Variants in PPP1R15A observed in about 807,000 individuals in gnomAD.
PPP1R15A encodes the protein protein phosphatase 1 regulatory subunit 15A.
A neutral mutation model predicts 48.5 loss-of-function variants in PPP1R15A; 43 were observed. The ratio of observed to expected loss-of-function variants is 0.89; its 90% CI spans 0.69 to 1.14. PPP1R15A has a LOEUF of 1.14. Among genes scored for constraint, PPP1R15A ranks in the 50% most tolerant of loss-of-function variants. The probability of loss-of-function intolerance (pLI) is 0.00; values close to 1 mark genes in which losing one functional copy is unlikely to be tolerated. For missense variants in PPP1R15A, 868 were observed against 847.2 expected (o/e 1.02, Z -0.30); for synonymous variants, 327 against 327.4 (o/e 1.00, Z 0.01).
Position 48,874,921 on chromosome 19 carries a change from CTATT to C in PPP1R15A, c.1665+25_1665+28del, listed in dbSNP as rs760956714. 203 of 1,422,124 alleles carry C rather than the reference CTATT, an allele frequency of 1.4e-4. No homozygotes were observed. The Middle Eastern group carries it at 2.4e-3, about 17-fold the overall frequency. 88.1% of individuals were successfully genotyped at this position (1,422,124 alleles called of 1,614,324 possible). ...AAGGTAGGTGCTGAGAGCCCAGATT[CTATT>C]TTTTTTTTTTTTTTAATTGAGTTGG... On this transcript the variant is annotated intron_variant, in intron 2 of 2. Coordinates refer to ENST00000200453, the MANE Select transcript of PPP1R15A (RefSeq NM_014330.5).
In PPP1R15A at chr19:48,875,789, G is replaced by A; in HGVS notation, c.1841G>A (p.Arg614Lys). 6.2e-7 allele frequency: 1 copy of A among 1,613,908 alleles called. No homozygotes were observed. The highest frequency in any genetic ancestry group is 8.5e-7 in the Non-Finnish European group (1 of 1,179,846). The change falls in exon 3 of 3, where the codon AGA becomes AAA. Residue 614 changes from arginine to lysine, a missense_variant. Coordinates refer to ENST00000200453, the MANE Select transcript of PPP1R15A (RefSeq NM_014330.5). ...SPCLTPAARA[R>K]AWARLRNPPL... is the part of the protein sequence containing the mutation. ...TGCCTCACCCCTGCTGCCCGGGCCAGAGCCTGGGCACGCCTCAGGAACCCA... is the reference window on the plus strand; with the variant it reads ...TGCCTCACCCCTGCTGCCCGGGCCAAAGCCTGGGCACGCCTCAGGAACCCA...
chr19:48,874,888 A>C lies in PPP1R15A; in HGVS notation c.1655A>C (p.Lys552Thr), dbSNP rs752606866. The part of the protein sequence containing the change: ...THDPDPETPL[K>T]ARKVRFSEKV... ...GATCCGGACCCTGAGACTCCCCTAA[A>C]GGCCAGAAAGGTAGGTGCTGAGAGC... Residue 552 changes from lysine to threonine, a missense_variant, in exon 2 of 3, where the codon AAG becomes ACG. Coordinates refer to ENST00000200453, the MANE Select transcript of PPP1R15A (RefSeq NM_014330.5). 1.3e-6 allele frequency: 2 copies of C among 1,555,402 alleles called. No homozygotes were observed. Among genetic ancestry groups the C allele is most frequent in the East Asian group, 4.5e-5 (2 of 44,362 alleles).
In PPP1R15A at chr19:48,873,698, TAAG is replaced by T. The variant is rs778608947; in HGVS notation, c.468_470del (p.Lys156del). The T allele has an allele frequency of 8.7e-6, 14 of 1,613,950 alleles. No homozygotes were observed. Among genetic ancestry groups the T allele is most frequent in the East Asian group, 2.2e-5 (1 of 44,886 alleles). ...TGATAAGGACACTGCAAGGTTCTGA[TAAG>T]AACCCAGGGGAGGAGAAAGCCGAGG... On this transcript the variant is annotated inframe_deletion, in exon 2 of 3. Transcript: ENST00000200453.
At position 48,874,234 on chromosome 19, in the gene PPP1R15A, C is replaced by A; in HGVS notation, c.1001C>A (p.Pro334Gln). 2 of 1,614,184 alleles carry A rather than the reference C, an allele frequency of 1.2e-6. No individual in the cohort carries two copies. The highest frequency in any genetic ancestry group is 2.2e-5 in the South Asian group (2 of 91,076). Reference protein sequence around the residue: ...GEAECPPCIPPPSAFLKAWVY... With the variant: ...GEAECPPCIPQPSAFLKAWVY... ...GCTGAGTGTCCTCCCTGCATCCCCC[C>A]ACCAAGTGCCTTCCTGAAGGCCTGG... The change falls in exon 2 of 3, where the codon CCA becomes CAA. Residue 334 changes from proline (P) to glutamine (Q), a missense_variant. Transcript: ENST00000200453.
Position 48,873,505 on chromosome 19 carries a change from A to G in PPP1R15A, c.272A>G (p.Glu91Gly). 1 of 1,614,168 alleles carries G rather than the reference A, an allele frequency of 6.2e-7. No individual in the cohort carries two copies. The highest frequency in any genetic ancestry group is 2.2e-5 in the East Asian group (1 of 44,886). ...EEAEDSGGPG[E>G]DRETLGLKTS... ...GCTGAAGACAGTGGAGGCCCTGGAG[A>G]GGACAGAGAAACACTGGGGCTGAAA... Residue 91 changes from glutamate (E) to glycine (G), a missense_variant, in exon 2 of 3, where the codon GAG becomes GGG. By Grantham distance (98) the Glu-to-Gly change is moderately conservative. Transcript: ENST00000200453.
chr19:48,875,732 G>A lies in PPP1R15A; in HGVS notation c.1784G>A (p.Arg595His), dbSNP rs201012471. The A allele has an allele frequency of 9.3e-6, 15 of 1,613,030 alleles. No homozygotes were observed. The Admixed American group carries it at 1.0e-4, about 11-fold the overall frequency. Reference protein sequence around the residue: ...LARDRSRFARRITQAQEELSP... With the variant: ...LARDRSRFARHITQAQEELSP... Reference sequence around the variant, plus strand: ...CGGGATCGCAGCCGCTTCGCACGCCGCATCACCCAGGCCCAGGAGGAGCTG... The same window carrying A: ...CGGGATCGCAGCCGCTTCGCACGCCACATCACCCAGGCCCAGGAGGAGCTG... Residue 595 changes from arginine to histidine, a missense_variant, in exon 3 of 3, where the codon CGC becomes CAC. By Grantham distance (29) the Arg-to-His change is conservative. Transcript: ENST00000200453.
Position 48,874,685 on chromosome 19 carries a change from T to G in PPP1R15A, c.1452T>G (p.Tyr484Ter), listed in dbSNP as rs1372189138. ...DQRAHFRGWG[Y>*]RPGKETEEEE... Reference sequence around the variant, plus strand: ...GGGCCCACTTCAGGGGCTGGGGATATCGACCTGGAAAAGAGACAGAGGAAG... The same window carrying G: ...GGGCCCACTTCAGGGGCTGGGGATAGCGACCTGGAAAAGAGACAGAGGAAG... The change falls in exon 2 of 3, where the codon TAT (tyrosine) becomes TAG (stop). Residue 484 changes from tyrosine (Y) to a stop codon, truncating the protein, a stop_gained. Transcript: ENST00000200453. LOFTEE classifies it high-confidence loss of function. 2.5e-6 allele frequency: 4 copies of G among 1,613,584 alleles called. No individual in the cohort carries two copies. The highest frequency in any genetic ancestry group is 3.4e-6 in the Non-Finnish European group (4 of 1,179,784).
Position 48,873,663 on chromosome 19 carries a change from C to T in PPP1R15A, c.430C>T (p.Pro144Ser), listed in dbSNP as rs548915056. 2 of 1,614,168 alleles carry T rather than the reference C, an allele frequency of 1.2e-6. No individual in the cohort carries two copies. Among genetic ancestry groups the T allele is most frequent in the African/African-American group, 2.7e-5 (2 of 75,032 alleles). The change falls in exon 2 of 3, where the codon CCC becomes TCC. Residue 144 changes from proline to serine, a missense_variant. By Grantham distance (74) the Pro-to-Ser change is moderately conservative. Coordinates refer to ENST00000200453, the MANE Select transcript of PPP1R15A (RefSeq NM_014330.5). ...AGATGGCCAGCGTGCTCCCCTGTCT[C>T]CCAGCCTTCTGATAAGGACACTGCA... ...FADGQRAPLS[P>S]SLLIRTLQGS... is the part of the protein sequence containing the mutation.
chr19:48,875,804 T>C lies in PPP1R15A; in HGVS notation c.1856T>C (p.Leu619Pro). ...GCCCGGGCCAGAGCCTGGGCACGCC[T>C]CAGGAACCCACCTTTAGCCCCCATC... The part of the protein sequence containing the change: ...PAARARAWAR[L>P]RNPPLAPIPA... Residue 619 changes from leucine to proline, a missense_variant, in exon 3 of 3, where the codon CTC becomes CCC. By Grantham distance (98) the Leu-to-Pro change is moderately conservative (BLOSUM62 -3). Transcript: ENST00000200453. 3.7e-6 allele frequency: 6 copies of C among 1,613,854 alleles called. No individual in the cohort carries two copies. The highest frequency in any genetic ancestry group is 5.1e-6 in the Non-Finnish European group (6 of 1,179,830).
In PPP1R15A at chr19:48,875,863, G is replaced by A. The variant is rs781458075; in HGVS notation, c.1915G>A (p.Val639Ile). The A allele has an allele frequency of 6.2e-7, 1 of 1,614,086 alleles. No homozygotes were observed. Among genetic ancestry groups the A allele is most frequent in the Non-Finnish European group, 8.5e-7 (1 of 1,179,976 alleles). The change falls in exon 3 of 3, where the codon GTC becomes ATC. Residue 639 changes from valine (V) to isoleucine (I), a missense_variant. By Grantham distance (29) the Val-to-Ile change is conservative. Transcript: ENST00000200453. Reference sequence around the variant, plus strand: ...CACCCAGACCTTGCCTTCCTCCTCTGTCCCTTCGTCCCCAGTCCAGACCAC... The same window carrying A: ...CACCCAGACCTTGCCTTCCTCCTCTATCCCTTCGTCCCCAGTCCAGACCAC... The part of the protein sequence containing the change: ...ALTQTLPSSS[V>I]PSSPVQTTPL...
In PPP1R15A at chr19:48,874,372, C is replaced by T; in HGVS notation, c.1139C>T (p.Pro380Leu). 4 of 1,613,940 alleles carry T rather than the reference C, an allele frequency of 2.5e-6. No individual in the cohort carries two copies. Among genetic ancestry groups the T allele is most frequent in the African/African-American group, 1.3e-5 (1 of 74,946 alleles). Residue 380 changes from proline (P) to leucine (L), a missense_variant, in exon 2 of 3, where the codon CCT (proline) becomes CTT (leucine). Coordinates refer to ENST00000200453, the MANE Select transcript of PPP1R15A (RefSeq NM_014330.5). ...GAAGCTGAGGCTTCCTCTTCCACTCCTGCTACAGGTGTCTTCTTGAAGTCC... is the reference window on the plus strand; with the variant it reads ...GAAGCTGAGGCTTCCTCTTCCACTCTTGCTACAGGTGTCTTCTTGAAGTCC... ...EGEAEASSSTPATGVFLKSWV... is the reference protein window; with the variant it reads ...EGEAEASSSTLATGVFLKSWV...
Position 48,873,704 on chromosome 19 carries a change from C to G in PPP1R15A, c.471C>G (p.Asn157Lys), listed in dbSNP as rs766671787. The change falls in exon 2 of 3, where the codon AAC becomes AAG. Residue 157 changes from asparagine (N) to lysine (K), a missense_variant. Asn to Lys is a moderately conservative substitution (Grantham distance 94, BLOSUM62 0). Transcript: ENST00000200453. The stretch of plus-strand genomic sequence containing the variant: ...GGACACTGCAAGGTTCTGATAAGAA[C>G]CCAGGGGAGGAGAAAGCCGAGGAAG... The part of the protein sequence containing the change: ...LIRTLQGSDK[N>K]PGEEKAEEEG... The G allele has an allele frequency of 5.6e-6, 9 of 1,614,134 alleles. No homozygotes were observed. Among genetic ancestry groups the G allele is most frequent in the Middle Eastern group, 1.6e-4 (1 of 6,062 alleles).
At chr19:48,875,575 G>A in intron 2 of PPP1R15A, 39 bp from the exon 3 acceptor site, 1 of 1,536,008 alleles carries the variant, frequency 6.5e-7, no homozygotes, top group Non-Finnish European at 8.8e-7. Flanking sequence ...TCCCGTGGCT[G>A]TGTGCATCTC....
intron 2 of PPP1R15A, 155 bp downstream of exon 2, chr19:48,875,053 A>G: frequency 3.3e-6 from 3 of 915,960 alleles, no homozygotes; most frequent in Non-Finnish European, 3.1e-6. Context: ...CAGCCTCCAG[A>G]GTATCTGGGA....
intron 2 of PPP1R15A, chr19:48,875,197 C>G: frequency 2.9e-6 from 1 of 345,974 alleles, no homozygotes; most frequent in East Asian, 4.9e-5. Context: ...TCCCAAAGTG[C>G]TGGGATTACA....
At chr19:48,875,495 A>T in intron 2 of PPP1R15A, 119 bp from the exon 3 acceptor site, 1 of 1,323,812 alleles carries the variant, frequency 7.6e-7, no homozygotes, top group Non-Finnish European at 1.0e-6. Context: ...GCCAGATAGA[A>T]AGCATTTTTG....
In PPP1R15A at chr19:48,872,573, TA is replaced by T; in HGVS notation, c.-86del. 2.2e-6 allele frequency: 1 copy of T among 449,918 alleles called. No individual in the cohort carries two copies. The highest frequency in any genetic ancestry group is 4.5e-6 in the Non-Finnish European group (1 of 222,094). The allele number at this position is 449,918 out of a possible 1,614,324, so 27.9% of individuals were successfully genotyped here. Reference sequence around the variant, plus strand: ...GGTGAGATGAACGCGCTGGCCTCCCTAACCGTCCGGACCTGTGATCGCTTCT... The same window carrying T: ...GGTGAGATGAACGCGCTGGCCTCCCTACCGTCCGGACCTGTGATCGCTTCT... On this transcript the variant is annotated 5_prime_UTR_variant, in exon 1 of 3. An upstream open reading frame in the 5' UTR loses its in-frame stop. Transcript: ENST00000200453.
Position 48,875,935 on chromosome 19 carries a change from G to T in PPP1R15A, c.1987G>T (p.Ala663Ser). The stretch of plus-strand genomic sequence containing the variant: ...CACACCTTCCCGCTCGTCTGCTGCT[G>T]CAGCGGCTGCCCTGGACCTCAGTGG... Reference protein sequence around the residue: ...VATPSRSSAAAAAALDLSGRR... With the variant: ...VATPSRSSAASAAALDLSGRR... The change falls in exon 3 of 3, where the codon GCA becomes TCA. Residue 663 changes from alanine to serine, a missense_variant. By Grantham distance (99) the Ala-to-Ser change is moderately conservative. Transcript: ENST00000200453. 1 of 1,608,080 alleles carries T rather than the reference G, an allele frequency of 6.2e-7. No homozygotes were observed. Among genetic ancestry groups the T allele is most frequent in the Non-Finnish European group, 8.5e-7 (1 of 1,175,468 alleles).
rs561497593 is a variant in PPP1R15A, at chr19:48,874,076, A to G, written c.843A>G (p.Lys281=). ...AAAAGGCACACAAAGAAACTGGGAA[A>G]GGAGAAGCTGCCCCAGGGCCGCAAT... The part of the protein sequence containing the change: ...KEEKAHKETG[K]GEAAPGPQSS... The change falls in exon 2 of 3, where the codon AAA becomes AAG. Residue 281 remains lysine, a synonymous_variant. Coordinates refer to ENST00000200453, the MANE Select transcript of PPP1R15A (RefSeq NM_014330.5). 3.1e-6 allele frequency: 5 copies of G among 1,614,162 alleles called. No homozygotes were observed. The African/African-American group carries it at 5.3e-5, about 17-fold the overall frequency.
Sources: gnomAD v4.1 joint callset for allele counts on GRCh38, gnomAD v4.1.1 for gene constraint, MANE v1.5 for transcripts, NCBI Gene and HGNC (gene_info 2026-07-23, HGNC 2026-07-21) for gene names.